Variants in SSBP3 observed in about 807,000 individuals in gnomAD.
SSBP3 encodes the protein single stranded DNA binding protein 3, also known as single-stranded DNA-binding protein 3.
In SSBP3, 5 loss-of-function variants were observed where a neutral mutation model predicts 69.6. The ratio of observed to expected loss-of-function variants is 0.07; its 90% CI spans 0.04 to 0.15. SSBP3 has a LOEUF of 0.15. SSBP3 is among the 10% of genes least tolerant of loss of function. The pLI is 1.00. For missense variants in SSBP3, 312 were observed against 534.0 expected (o/e 0.58, Z 4.10); for synonymous variants, 196 against 193.4 (o/e 1.01, Z -0.11).
chr1:54,243,442 A>C, intron 9 of SSBP3, 143 bp from the exon 10 acceptor site: 7 of 1,034,746 alleles, frequency 6.8e-6, no homozygotes, highest in Non-Finnish European at 7.3e-6. Context: ...TCTTTCAAAA[A>C]CGGTGGGGCG....
At chr1:54,329,511 C>G (rs890710944) in intron 4 of SSBP3, among the ~76,000 whole-genome samples, 1 of 152,234 alleles carries the variant, frequency 6.6e-6, no homozygotes, top group Non-Finnish European at 1.5e-5. Context: ...GCCTGCCAGG[C>G]TGGGGCTTGC....
chr1:54,262,435 G>A (rs1645032483), intron 5 of SSBP3, among the ~76,000 whole-genome samples: 1 of 152,178 alleles, frequency 6.6e-6, no homozygotes, highest in Non-Finnish European at 1.5e-5. Context: ...AGGGCAAAGT[G>A]GAATGAACCC....
At chr1:54,327,930 G>A (rs1191712449) in intron 4 of SSBP3, among the ~76,000 whole-genome samples, 3 of 152,126 alleles carry the variant, frequency 2.0e-5, no homozygotes, top group Non-Finnish European at 2.9e-5. Flanking sequence ...ACATGCAAAC[G>A]ACTTCCATAT....
At chr1:54,267,322 C>G (rs1029386934) in intron 5 of SSBP3, among the ~76,000 whole-genome samples, 2 of 152,198 alleles carry the variant, frequency 1.3e-5, no homozygotes, top group Admixed American at 6.5e-5. Context: ...GCAGAGCCCA[C>G]CTCTATCTGG....
chr1:54,392,836 T>G (rs1648592850), intron 4 of SSBP3, among the ~76,000 whole-genome samples: 2 of 152,202 alleles, frequency 1.3e-5, no homozygotes, highest in African/African-American at 4.8e-5. Context: ...AGACACAACC[T>G]TAACTGAAAT....
intron 4 of SSBP3, among the ~76,000 whole-genome samples, chr1:54,389,889 ATT>A (rs11407049): frequency 7.0e-6 from 1 of 143,616 alleles, no homozygotes; most frequent in Non-Finnish European, 1.5e-5. Context: ...AAAAAAAAAA[ATT>A]TTTTTTTTTT....
At position 54,240,963 on chromosome 1, in the gene SSBP3, A is replaced by G. The variant is rs1570232978; in HGVS notation, c.802-4T>C. On this transcript the variant is annotated splice_polypyrimidine_tract_variant and splice_region_variant and intron_variant, in intron 12 of 17. Coordinates refer to ENST00000610401, the Ensembl canonical transcript of SSBP3. ...GACCGCCACCACCAGGGGGTCCCTA[A>G]AGATGAGACAAAACTGACATCAGAC... 2.5e-6 allele frequency: 4 copies of G among 1,607,264 alleles called. No individual in the cohort carries two copies. The East Asian group carries it at 9.0e-5, about 36-fold the overall frequency.
At chr1:54,240,075 T>TGCGC (rs1644585749) in intron 13 of SSBP3, among the ~76,000 whole-genome samples, 2 of 26,688 alleles carry the variant, frequency 7.5e-5, no homozygotes, top group Non-Finnish European at 1.5e-4. Context: ...TGTGTGTGTG[T>TGCGC]GTGTGTGTGT....
At chr1:54,336,730 G>C (rs1646513720) in intron 4 of SSBP3, among the ~76,000 whole-genome samples, 1 of 152,164 alleles carries the variant, frequency 6.6e-6, no homozygotes, top group African/African-American at 2.4e-5. Context: ...CCACACCAAG[G>C]ACAGGGCTTT....
At chr1:54,321,413 A>G (rs1447835995) in intron 4 of SSBP3, among the ~76,000 whole-genome samples, 1 of 152,224 alleles carries the variant, frequency 6.6e-6, no homozygotes, top group African/African-American at 2.4e-5. Context: ...GGTGGTATCC[A>G]TCCCTAGCTT....
chr1:54,404,532 C>G (rs1557598089), intron 3 of SSBP3, 44 bp downstream of exon 3: 1 of 1,608,434 alleles, frequency 6.2e-7, no homozygotes, highest in South Asian at 1.1e-5. Context: ...ACCCAGGGCT[C>G]ACAACAAAAC....
At chr1:54,333,828 G>C (rs1286206838) in intron 4 of SSBP3, among the ~76,000 whole-genome samples, 1 of 152,216 alleles carries the variant, frequency 6.6e-6, no homozygotes, top group East Asian at 1.9e-4. Context: ...TTCTACGGCA[G>C]CTGAGGCAAG....
At chr1:54,229,415 C>T (rs1557436033) in intron 14 of SSBP3, among the ~76,000 whole-genome samples, 1 of 152,140 alleles carries the variant, frequency 6.6e-6, no homozygotes, top group Middle Eastern at 3.4e-3. Flanking sequence ...TGGGGCTGGG[C>T]GGTGAGAAGA....
chr1:54,260,153 A>C (rs1332588359), intron 5 of SSBP3, among the ~76,000 whole-genome samples: 1 of 152,240 alleles, frequency 6.6e-6, no homozygotes, highest in Non-Finnish European at 1.5e-5. Context: ...ACTTGGGTGT[A>C]ATGTAAACAA....
intron 5 of SSBP3, among the ~76,000 whole-genome samples, chr1:54,263,929 T>C (rs1645058151): frequency 6.6e-6 from 1 of 152,246 alleles, no homozygotes; most frequent in Non-Finnish European, 1.5e-5. Flanking sequence ...GTTGGTCTTC[T>C]GAGCTAAAGA....
chr1:54,377,693 A>C (rs1647293699), intron 4 of SSBP3, among the ~76,000 whole-genome samples: 1 of 152,234 alleles, frequency 6.6e-6, no homozygotes, highest in African/African-American at 2.4e-5. Flanking sequence ...TCCCAGAGGA[A>C]GCATCATACA....
chr1:54,245,858 T>C (rs1041952517), intron 9 of SSBP3, among the ~76,000 whole-genome samples: 11 of 152,244 alleles, frequency 7.2e-5, no homozygotes, highest in Non-Finnish European at 1.3e-4. Flanking sequence ...AATTACCAAA[T>C]GACAATAGTG....
chr1:54,289,031 A>AAAC (rs1645550171), intron 4 of SSBP3, among the ~76,000 whole-genome samples: 2 of 86,786 alleles, frequency 2.3e-5, no homozygotes, highest in East Asian at 2.2e-4. Flanking sequence ...AAAAAAAAAA[A>AAAC]AAAAACAAAA....
chr1:54,376,437 C>A (rs1412320885), intron 4 of SSBP3, among the ~76,000 whole-genome samples: 1 of 152,184 alleles, frequency 6.6e-6, no homozygotes, highest in Non-Finnish European at 1.5e-5. Context: ...GAAGACGCAG[C>A]CCTTACAGCT....
Sources: gnomAD v4.1 joint callset for allele counts (sites outside exome capture counted in the v4.1 genomes callset) on GRCh38, gnomAD v4.1.1 for gene constraint, MANE v1.5 for transcripts, NCBI Gene and HGNC (gene_info 2026-07-23, HGNC 2026-07-21) for gene names.